RUBCN: variants seen among roughly 807,000 people sequenced by gnomAD.
The protein encoded by RUBCN is run domain Beclin-1-interacting and cysteine-rich domain-containing protein.
Under a neutral mutation model 113.2 loss-of-function variants are expected in RUBCN, and 74 were observed. That is an observed-to-expected ratio of 0.65 (90% CI 0.54 to 0.79). RUBCN has a LOEUF of 0.79. Among genes scored for constraint, RUBCN ranks in the 30% least tolerant of loss-of-function variants. The pLI is 0.00. For missense variants in RUBCN, 1,109 were observed against 1,251.7 expected, an observed-to-expected ratio of 0.89 and a Z score of 1.72; for synonymous variants, 480 against 490.0, an observed-to-expected ratio of 0.98 and a Z score of 0.27.
chr3:197,728,212 G>T (rs946840327), intron 1 of RUBCN, among the ~76,000 whole-genome samples: 1 of 152,256 alleles, frequency 6.6e-6, no homozygotes, highest in African/African-American at 2.4e-5. Flanking sequence ...TCTAGCCTGG[G>T]CAACAATGTG....
At chr3:197,702,062 A>G (rs890093379) in intron 5 of RUBCN, among the ~76,000 whole-genome samples, 198 bp from the exon 6 acceptor site, 2 of 152,226 alleles carry the variant, frequency 1.3e-5, no homozygotes, top group African/African-American at 4.8e-5. Flanking sequence ...CAGCATCTGC[A>G]CTGGAATCCT....
rs1721267029 is a variant in RUBCN, at chr3:197,681,767, C to T, written c.2191+68G>A. On this transcript the variant is annotated intron_variant, in intron 15 of 19. Transcript: ENST00000296343. The surrounding 1 kb of genome is among the most constrained non-coding windows in gnomAD (Gnocchi z 5.5). The stretch of plus-strand genomic sequence containing the variant: ...CCTGCTACCGCCTTTGACACGCCAC[C>T]TCTCCCTACGTGTCGGGGAGGGTAC... 1 of 1,402,828 alleles carries T rather than the reference C, an allele frequency of 7.1e-7. No individual in the cohort carries two copies. The highest frequency in any genetic ancestry group is 1.4e-5 in the African/African-American group (1 of 70,772). The allele number at this position is 1,402,828 out of a possible 1,614,324, so 86.9% of individuals were successfully genotyped here.
Position 197,701,048 on chromosome 3 carries a change from G to A in RUBCN, c.826C>T (p.Pro276Ser). The A allele has an allele frequency of 4.3e-6, 7 of 1,613,680 alleles. No homozygotes were observed. The highest frequency in any genetic ancestry group is 5.9e-6 in the Non-Finnish European group (7 of 1,179,748). The change falls in exon 7 of 20, where the codon CCC becomes TCC. Residue 276 changes from proline (P) to serine (S), a missense_variant. Pro to Ser is a moderately conservative substitution (Grantham distance 74). Around this residue, in one of 3 missense-constraint regions of RUBCN, gnomAD observed 736 missense variants for 779.6 expected, o/e 0.94. Transcript: ENST00000296343. Reference sequence around the variant, plus strand: ...GCTAGTGCAGAGACTGAAACTGGGGGGGCTTGGATGGTTTGATCCTCTGCT... The same window carrying A: ...GCTAGTGCAGAGACTGAAACTGGGGAGGCTTGGATGGTTTGATCCTCTGCT... ...SPAEDQTIQA[P>S]PVSVSALARD...
At chr3:197,744,410 C>T (rs990118975) in intron 1 of RUBCN, among the ~76,000 whole-genome samples, 2 of 152,072 alleles carry the variant, frequency 1.3e-5, no homozygotes, top group Non-Finnish European at 2.9e-5. Flanking sequence ...GCAAGAAAAA[C>T]CTTTTGATAA....
At chr3:197,690,985 G>T in intron 11 of RUBCN, 1 of 682,654 alleles carries the variant, frequency 1.5e-6, no homozygotes, top group Non-Finnish European at 2.3e-6. Flanking sequence ...AACCTTGACA[G>T]TTATCACATG....
intron 1 of RUBCN, among the ~76,000 whole-genome samples, chr3:197,746,013 A>T (rs1728729272): frequency 6.6e-6 from 1 of 152,206 alleles, no homozygotes; most frequent in Non-Finnish European, 1.5e-5. Flanking sequence ...CCTGGGCAAC[A>T]GAGTGAGACT....
intron 2 of RUBCN, among the ~76,000 whole-genome samples, chr3:197,715,033 T>A (rs1373103361): frequency 6.6e-6 from 1 of 152,144 alleles, no homozygotes; most frequent in Non-Finnish European, 1.5e-5. Flanking sequence ...CTCACGCCTG[T>A]CATCCCAGCA....
chr3:197,736,254 T>C (rs1344194616), intron 1 of RUBCN, among the ~76,000 whole-genome samples: 3 of 152,196 alleles, frequency 2.0e-5, no homozygotes, highest in Admixed American at 2.0e-4. Context: ...CTCTTCGCGT[T>C]GGCCCCACTT....
chr3:197,668,975 A>G lies in RUBCN; in HGVS notation c.*6043T>C, dbSNP rs1363272520. Among the ~76,000 whole-genome samples the G allele has an allele frequency of 6.6e-6, 1 of 151,948 alleles. No individual in the cohort carries two copies. The highest frequency in any genetic ancestry group is 1.5e-5 in the Non-Finnish European group (1 of 68,028). The stretch of plus-strand genomic sequence containing the variant: ...GCCACCATTCTAACAGAACCACACT[A>G]ATTTTTACGTATGTTTTCCTTATGT... On this transcript the variant is annotated 3_prime_UTR_variant, in exon 20 of 20. Coordinates refer to ENST00000296343, the MANE Select transcript of RUBCN (RefSeq NM_014687.4).
intron 11 of RUBCN, among the ~76,000 whole-genome samples, chr3:197,689,593 G>C (rs548269140): frequency 6.6e-6 from 1 of 152,172 alleles, no homozygotes; most frequent in South Asian, 2.1e-4. Context: ...TCCTCAGGCA[G>C]GGAAGACTCA....
intron 1 of RUBCN, among the ~76,000 whole-genome samples, chr3:197,721,718 T>C (rs199866155): frequency 1.3e-5 from 2 of 152,168 alleles, no homozygotes; most frequent in East Asian, 3.8e-4. Flanking sequence ...GATATAGATG[T>C]TAATTGCTAT....
rs956094618 is a variant in RUBCN at position 197,675,768 on chromosome 3, G to C, written c.2647-253C>G. On this transcript the variant is annotated intron_variant, in intron 18 of 19. Coordinates refer to ENST00000296343, the MANE Select transcript of RUBCN (RefSeq NM_014687.4). The surrounding 1 kb of genome is among the most constrained non-coding windows in gnomAD (Gnocchi z 4.4). Reference sequence around the variant, plus strand: ...CCCAGCGCGGCTCTCCATGAAGAGAGGAGAAGGAGGAAATGGCACCACAAA... The same window carrying C: ...CCCAGCGCGGCTCTCCATGAAGAGACGAGAAGGAGGAAATGGCACCACAAA... Among the ~76,000 whole-genome samples, 1 of 152,204 alleles carries C rather than the reference G, an allele frequency of 6.6e-6. No individual in the cohort carries two copies. The highest frequency in any genetic ancestry group is 2.1e-4 in the South Asian group (1 of 4,830).
intron 6 of RUBCN, 36 bp downstream of exon 6, chr3:197,701,672 G>A (rs892750755): frequency 5.6e-6 from 9 of 1,600,560 alleles, no homozygotes; most frequent in Admixed American, 1.7e-5. Context: ...CAGGGCTGGG[G>A]ATAAATGTAA....
chr3:197,678,505 G>C (rs904203931), intron 16 of RUBCN, among the ~76,000 whole-genome samples: 14 of 150,030 alleles, frequency 9.3e-5, no homozygotes, highest in Admixed American at 3.3e-4. Context: ...ACTGGCTCCA[G>C]ACTGTCCTAC....
intron 8 of RUBCN, 22 bp downstream of exon 8, chr3:197,696,932 C>A: frequency 1.5e-6 from 2 of 1,314,244 alleles, no homozygotes; most frequent in South Asian, 1.2e-5. Context: ...ACAATTTTAG[C>A]CCTGGCCTTC....
chr3:197,696,699 G>C (rs1723041249), intron 8 of RUBCN, among the ~76,000 whole-genome samples: 1 of 152,088 alleles, frequency 6.6e-6, no homozygotes, highest in Non-Finnish European at 1.5e-5. Context: ...ATCCCATCTG[G>C]ACCAGCCGAC....
chr3:197,677,025 A>C lies in RUBCN; in HGVS notation c.2506T>G (p.Phe836Val). The change falls in exon 18 of 20, where the codon TTT (phenylalanine) becomes GTT (valine). Residue 836 changes from phenylalanine to valine, a missense_variant. Physicochemically the swap from Phe to Val is conservative, Grantham distance 50 (BLOSUM62 -1). Around this residue, in one of 3 missense-constraint regions of RUBCN, gnomAD observed 306 missense variants for 348.9 expected, o/e 0.88. Coordinates refer to ENST00000296343, the MANE Select transcript of RUBCN (RefSeq NM_014687.4). ...CRLAKELLDSFDTVPGHLTED... is the reference protein window; with the variant it reads ...CRLAKELLDSVDTVPGHLTED... Reference sequence around the variant, plus strand: ...GTCAGGTGGCCTGGGACTGTGTCAAAGGAATCCAGAAGCCTACAGGGAGTG... The same window carrying C: ...GTCAGGTGGCCTGGGACTGTGTCAACGGAATCCAGAAGCCTACAGGGAGTG... The C allele has an allele frequency of 4.3e-6, 7 of 1,613,670 alleles. No individual in the cohort carries two copies. The highest frequency in any genetic ancestry group is 5.9e-6 in the Non-Finnish European group (7 of 1,180,004).
intron 1 of RUBCN, among the ~76,000 whole-genome samples, chr3:197,723,256 T>G (rs1053377122): frequency 3.9e-5 from 6 of 152,210 alleles, no homozygotes; most frequent in Non-Finnish European, 4.4e-5. Flanking sequence ...CTCAGCTCAC[T>G]GCAACCACCA....
chr3:197,716,285 G>A (rs759302121), intron 2 of RUBCN, among the ~76,000 whole-genome samples: 10 of 152,104 alleles, frequency 6.6e-5, no homozygotes, highest in African/African-American at 2.2e-4. Context: ...GCGCCACCAC[G>A]CCCGGCTAAT....
Sources: gnomAD v4.1 joint callset for allele counts (sites outside exome capture counted in the v4.1 genomes callset) on GRCh38, gnomAD v4.1.1 for gene constraint, gnomAD v4.1.1 regional missense constraint, Gnocchi (gnomAD v3.1) non-coding constraint, MANE v1.5 for transcripts, NCBI Gene and HGNC (gene_info 2026-07-23, HGNC 2026-07-21) for gene names.